Variants in CNTN5 observed in about 807,000 individuals in gnomAD.
The protein encoded by CNTN5 is contactin-5.
CNTN5 carries 77 observed loss-of-function variants against 129.1 expected under a neutral mutation model. The observed-to-expected ratio is 0.60, with a 90% CI of 0.50 to 0.72. The LOEUF (loss-of-function observed/expected upper bound fraction) is 0.72. Among genes scored for constraint, CNTN5 ranks in the 30% least tolerant of loss-of-function variants. The pLI is 0.00. For synonymous variants in CNTN5, 509 were observed against 465.6 expected (o/e 1.09, Z -1.20); for missense variants, 1,478 against 1,328.8 (o/e 1.11, Z -1.75).
chr11:99,151,278 A>G (rs576803269), intron 1 of CNTN5, among the ~76,000 whole-genome samples: 1 of 152,120 alleles, frequency 6.6e-6, no homozygotes, highest in Non-Finnish European at 1.5e-5. Context: ...GTGTACATGC[A>G]TTTGTGTGTG....
intron 3 of CNTN5, among the ~76,000 whole-genome samples, chr11:99,814,095 T>C (rs1946511038): frequency 6.6e-6 from 1 of 152,132 alleles, no homozygotes; most frequent in Non-Finnish European, 1.5e-5. Context: ...AAAAAATTGA[T>C]GCTGAAAGAG....
At chr11:100,320,242 G>A (rs547151166) in intron 21 of CNTN5, among the ~76,000 whole-genome samples, 1 of 152,154 alleles carries the variant, frequency 6.6e-6, no homozygotes, top group Admixed American at 6.5e-5. Flanking sequence ...TTATTCTAAT[G>A]TGTATGCAGT....
intron 2 of CNTN5, among the ~76,000 whole-genome samples, chr11:99,502,896 C>A (rs1266660372): frequency 1.3e-5 from 2 of 152,106 alleles, no homozygotes; most frequent in Non-Finnish European, 2.9e-5. Flanking sequence ...TTTTTCTTCA[C>A]CTTCAGTCCA....
chr11:99,430,860 G>C (rs902299279), intron 2 of CNTN5, among the ~76,000 whole-genome samples: 1 of 152,016 alleles, frequency 6.6e-6, no homozygotes, highest in Non-Finnish European at 1.5e-5. Flanking sequence ...CTTATCTACC[G>C]AACTACGGTG....
chr11:100,057,500 ACAAT>A (rs1318594542), intron 9 of CNTN5, among the ~76,000 whole-genome samples: 3 of 151,784 alleles, frequency 2.0e-5, no homozygotes, highest in Non-Finnish European at 1.5e-5. Flanking sequence ...TAGTATTTTG[ACAAT>A]CATTCATTCA....
intron 3 of CNTN5, among the ~76,000 whole-genome samples, chr11:99,815,029 G>A (rs1311309476): frequency 7.0e-6 from 1 of 142,682 alleles, no homozygotes; most frequent in African/African-American, 2.5e-5. Context: ...CACAAGAACA[G>A]CACGGGGGAA....
chr11:100,094,769 G>A (rs201372968), intron 13 of CNTN5, among the ~76,000 whole-genome samples: 15 of 81,226 alleles, frequency 1.8e-4, no homozygotes, highest in Admixed American at 3.8e-4. Flanking sequence ...GGGAGGAAAG[G>A]AAGGAAGGAA....
chr11:99,873,071 A>G (rs1042774225), intron 6 of CNTN5, among the ~76,000 whole-genome samples: 2 of 117,234 alleles, frequency 1.7e-5, no homozygotes, highest in Non-Finnish European at 3.5e-5. Flanking sequence ...ATGAATCACT[A>G]TTACAAACAC....
chr11:99,916,616 CT>C (rs1949795692), intron 7 of CNTN5, among the ~76,000 whole-genome samples: 1 of 152,038 alleles, frequency 6.6e-6, no homozygotes, highest in African/African-American at 2.4e-5. Flanking sequence ...TCAAACAAAA[CT>C]GCAATTTAGT....
intron 3 of CNTN5, among the ~76,000 whole-genome samples, chr11:99,770,860 G>A (rs1404527050): frequency 6.6e-6 from 1 of 151,960 alleles, no homozygotes; most frequent in African/African-American, 2.4e-5. Flanking sequence ...GCAATTTTGA[G>A]AAAAAAGAGC....
chr11:99,152,037 A>T (rs549482698), intron 1 of CNTN5, among the ~76,000 whole-genome samples: 1 of 152,312 alleles, frequency 6.6e-6, no homozygotes, highest in African/African-American at 2.4e-5. Flanking sequence ...CAAAGTAATG[A>T]AAAAGTAGTA....
intron 21 of CNTN5, among the ~76,000 whole-genome samples, chr11:100,313,135 G>T (rs892773390): frequency 3.9e-5 from 6 of 151,990 alleles, no homozygotes; most frequent in Non-Finnish European, 5.9e-5. Context: ...GAAAGCCATT[G>T]AGACAATTTA....
intron 2 of CNTN5, among the ~76,000 whole-genome samples, chr11:99,502,017 A>T (rs1231664390): frequency 6.6e-6 from 1 of 152,196 alleles, no homozygotes; most frequent in Non-Finnish European, 1.5e-5. Context: ...GGCTCTTCTG[A>T]AATTGCCCCT....
At chr11:99,039,311 C>G (rs1333325471) in intron 1 of CNTN5, among the ~76,000 whole-genome samples, 4 of 152,104 alleles carry the variant, frequency 2.6e-5, no homozygotes, top group Admixed American at 6.6e-5. Flanking sequence ...TCTTTTATTC[C>G]TCTTCTGCTT....
In CNTN5 at chr11:99,644,245, T is replaced by G. The variant is rs187345448; in HGVS notation, c.55+87976T>G. Among the ~76,000 whole-genome samples, 218 of 152,324 alleles carry G rather than the reference T, an allele frequency of 1.4e-3. 1 individual carries two copies. The highest frequency in any genetic ancestry group is 5.1e-3 in the African/African-American group (212 of 41,570). On this transcript the variant is annotated intron_variant, in intron 3 of 24. Transcript: ENST00000524871. ...AACTCCTCCTATTACGTCTTTTTCC[T>G]TTGCTCGTTTTGCTTTGAGTTCCAG... is the stretch of plus-strand genomic sequence containing the variant.
At chr11:99,612,531 T>G (rs947611069) in intron 3 of CNTN5, among the ~76,000 whole-genome samples, 1 of 152,202 alleles carries the variant, frequency 6.6e-6, no homozygotes, top group Non-Finnish European at 1.5e-5. Flanking sequence ...GTACAGTAAT[T>G]AAACCCATAT....
At chr11:99,776,506 T>C (rs896498516) in intron 3 of CNTN5, among the ~76,000 whole-genome samples, 11 of 151,900 alleles carry the variant, frequency 7.2e-5, no homozygotes, top group Non-Finnish European at 1.5e-4. Context: ...ACATAACTCA[T>C]ACTGAGCTTA....
chr11:99,862,372 T>TTA (rs1948234476), intron 6 of CNTN5, among the ~76,000 whole-genome samples: 1 of 152,142 alleles, frequency 6.6e-6, no homozygotes, highest in Non-Finnish European at 1.5e-5. Flanking sequence ...AGATGTTTTT[T>TTA]TTCCCTGGAT....
At chr11:99,899,214 T>G (rs1015071486) in intron 6 of CNTN5, among the ~76,000 whole-genome samples, 3 of 152,084 alleles carry the variant, frequency 2.0e-5, no homozygotes, top group Non-Finnish European at 2.9e-5. Flanking sequence ...GGATGCCTTT[T>G]ATTTCTTTCT....
Sources: gnomAD v4.1 joint callset for allele counts (sites outside exome capture counted in the v4.1 genomes callset) on GRCh38, gnomAD v4.1.1 for gene constraint, MANE v1.5 for transcripts, NCBI Gene and HGNC (gene_info 2026-07-23, HGNC 2026-07-21) for gene names.